AKAP13: variants seen among roughly 807,000 people sequenced by gnomAD.
AKAP13 encodes the protein A-kinase anchoring protein 13, also known as A-kinase anchor protein 13.
In AKAP13, 80 loss-of-function variants were observed where a neutral mutation model predicts 264.5. That is an observed-to-expected ratio of 0.30 (90% CI 0.25 to 0.36). The LOEUF (loss-of-function observed/expected upper bound fraction) is 0.36. AKAP13 is among the 10% of genes least tolerant of loss of function. The pLI is 1.00. For missense variants in AKAP13, 3,712 were observed against 3,435.2 expected (o/e 1.08, Z -2.01); for synonymous variants, 1,380 against 1,250.2 (o/e 1.10, Z -2.19).
chr15:85,562,711 T>TTTTTTTTG (rs2078442435), intron 5 of AKAP13, among the ~76,000 whole-genome samples: 1 of 74,588 alleles, frequency 1.3e-5, no homozygotes, highest in Non-Finnish European at 2.9e-5. Flanking sequence ...TTTTTTTTTT[T>TTTTTTTTG]TGAGACTGAA....
intron 2 of AKAP13, among the ~76,000 whole-genome samples, chr15:85,487,445 G>GT (rs1218666008): frequency 6.6e-6 from 1 of 152,160 alleles, no homozygotes; most frequent in Non-Finnish European, 1.5e-5. Context: ...TCTATTCCTA[G>GT]TTTGACTATT....
At chr15:85,578,661 A>G (rs8032528) in intron 6 of AKAP13, among the ~76,000 whole-genome samples, 93,517 of 152,066 alleles carry the variant, frequency 0.61, 28,927 homozygotes, top group Middle Eastern at 0.72. Context: ...GTTTTCATCT[A>G]CTTCCTAAAA....
At chr15:85,612,617 T>C (rs1381941432) in intron 8 of AKAP13, among the ~76,000 whole-genome samples, 1 of 151,284 alleles carries the variant, frequency 6.6e-6, no homozygotes, top group African/African-American at 2.4e-5. Flanking sequence ...AGGTCAGGAG[T>C]TCAAGACCAG....
At chr15:85,717,879 G>T in intron 21 of AKAP13, 128 bp from the exon 22 acceptor site, 1 of 888,698 alleles carries the variant, frequency 1.1e-6, no homozygotes, top group Non-Finnish European at 1.7e-6. Flanking sequence ...ACTAGAATAT[G>T]ATCTCTGTGA....
At chr15:85,515,534 C>T (rs1490845455) in intron 2 of AKAP13, among the ~76,000 whole-genome samples, 1 of 138,838 alleles carries the variant, frequency 7.2e-6, no homozygotes, top group Non-Finnish European at 1.5e-5. Context: ...CGATAATATC[C>T]TTAATAGCAG....
At chr15:85,381,196 C>T (rs1036595193) in intron 1 of AKAP13, among the ~76,000 whole-genome samples, 5 of 152,182 alleles carry the variant, frequency 3.3e-5, no homozygotes, top group East Asian at 3.9e-4. Context: ...GGCGGGCTCA[C>T]TCCTCCCCTG....
chr15:85,682,304 G>C, intron 15 of AKAP13, 92 bp downstream of exon 15: 1 of 1,277,528 alleles, frequency 7.8e-7, no homozygotes. Context: ...TAAGTTAATT[G>C]AGCTTATTGG....
chr15:85,582,773 C>A, intron 7 of AKAP13: 1 of 648,388 alleles, frequency 1.5e-6, no homozygotes, highest in Non-Finnish European at 1.9e-6. Flanking sequence ...GGGCAGCAGT[C>A]TGAGAATTCA....
At chr15:85,476,889 G>A (rs1221622549) in intron 1 of AKAP13, among the ~76,000 whole-genome samples, 1 of 152,044 alleles carries the variant, frequency 6.6e-6, no homozygotes, top group Non-Finnish European at 1.5e-5. Context: ...AAATGTAGTG[G>A]GCTTAATCAT....
In AKAP13 at chr15:85,741,277, G is replaced by A; in HGVS notation, c.7840G>A (p.Glu2614Lys). 1 of 1,610,538 alleles carries A rather than the reference G, an allele frequency of 6.2e-7. No individual in the cohort carries two copies. The highest frequency in any genetic ancestry group is 1.1e-5 in the South Asian group (1 of 90,674). The stretch of plus-strand genomic sequence containing the variant: ...GGAAGCTCGTGAGAGGGAGCTGCGG[G>A]AGCGGGAGGCCCTCCTGGCCCAGCG... ...EWEARERELR[E>K]REALLAQREE... Residue 2614 changes from glutamate (E) to lysine (K), a missense_variant, in exon 35 of 37, where the codon GAG becomes AAG. By Grantham distance (56) the Glu-to-Lys change is moderately conservative. Transcript: ENST00000394518.
chr15:85,701,823 A>AC (rs11444832), intron 17 of AKAP13, among the ~76,000 whole-genome samples: 152,275 of 152,276 alleles, frequency 1, 76,137 homozygotes, highest in Middle Eastern at 1. Flanking sequence ...CCTAATATGC[A>AC]CTAAGTTTCA....
chr15:85,411,377 C>T (rs1254430902), intron 1 of AKAP13, among the ~76,000 whole-genome samples: 1 of 152,068 alleles, frequency 6.6e-6, no homozygotes, highest in African/African-American at 2.4e-5. Context: ...AGGAGTTCTG[C>T]ACGTGGAAGT....
rs2089426652 is a variant in AKAP13, at chr15:85,748,270, G to A, written c.*3593G>A. ...AGTCCTGGTGAATGGGCTTCAAGTG[G>A]TCACAAAGAGGGTGGCTGTGAGGTG... On this transcript the variant is annotated 3_prime_UTR_variant, in exon 37 of 37. Transcript: ENST00000394518. The A allele has an allele frequency of 1.3e-5, 2 of 152,246 alleles. No homozygotes were observed. Among genetic ancestry groups the A allele is most frequent in the Non-Finnish European group, 2.9e-5 (2 of 68,084 alleles). 9.4% of individuals were successfully genotyped at this position (152,246 alleles called of 1,614,324 possible). A position where few individuals can be genotyped will look rare whatever the true frequency, so the allele number is the denominator to read the frequency against.
intron 2 of AKAP13, among the ~76,000 whole-genome samples, chr15:85,520,855 T>G (rs2076797460): frequency 6.6e-6 from 1 of 152,256 alleles, no homozygotes; most frequent in South Asian, 2.1e-4. Flanking sequence ...AACACAAACT[T>G]GGATGTTGTA....
chr15:85,677,597 C>T (rs1375337528), intron 14 of AKAP13, among the ~76,000 whole-genome samples: 5 of 151,108 alleles, frequency 3.3e-5, no homozygotes, highest in African/African-American at 7.3e-5. Flanking sequence ...AAGATTAGAC[C>T]CCATGAATTA....
At chr15:85,720,164 T>A (rs926409199) in intron 23 of AKAP13, among the ~76,000 whole-genome samples, 1 of 151,730 alleles carries the variant, frequency 6.6e-6, no homozygotes, top group Admixed American at 6.6e-5. Context: ...AGCCTAGGAG[T>A]TCAAAGTTGC....
rs1273230150 is a variant in AKAP13, at chr15:85,747,715, A to G, written c.*3038A>G. 6.5e-6 allele frequency: 1 copy of G among 152,696 alleles called. No homozygotes were observed. Among genetic ancestry groups the G allele is most frequent in the Non-Finnish European group, 1.5e-5 (1 of 68,050 alleles). 9.5% of individuals were successfully genotyped at this position (152,696 alleles called of 1,614,324 possible). On this transcript the variant is annotated 3_prime_UTR_variant, in exon 37 of 37. Coordinates refer to ENST00000394518, the MANE Select transcript of AKAP13 (RefSeq NM_007200.5). ...TTAGAAAATGGAGAGGGTTAAAAAC[A>G]TGCAAACTGCCACTTTCAACCTTTG...
At chr15:85,447,188 A>T (rs957019858) in intron 1 of AKAP13, among the ~76,000 whole-genome samples, 10 of 152,040 alleles carry the variant, frequency 6.6e-5, no homozygotes, top group African/African-American at 2.2e-4. Flanking sequence ...AATCTCTTGA[A>T]CCGGGGAGGT....
At chr15:85,722,430 G>T in intron 25 of AKAP13, 83 bp downstream of exon 25, 1 of 1,123,324 alleles carries the variant, frequency 8.9e-7, no homozygotes, top group Non-Finnish European at 1.3e-6. Context: ...CCATGGAAGT[G>T]CTATTTCATG....
Sources: gnomAD v4.1 joint callset for allele counts (sites outside exome capture counted in the v4.1 genomes callset) on GRCh38, gnomAD v4.1.1 for gene constraint, MANE v1.5 for transcripts, NCBI Gene and HGNC (gene_info 2026-07-23, HGNC 2026-07-21) for gene names.